Variants in TTC34 observed in about 807,000 individuals in gnomAD.
TTC34 encodes the protein tetratricopeptide repeat protein 34.
In TTC34, 44 loss-of-function variants were observed where a neutral mutation model predicts 40.7. The ratio of observed to expected loss-of-function variants is 1.08; its 90% CI spans 0.85 to 1.39. TTC34 has a LOEUF of 1.39. Ranked by LOEUF, TTC34 falls within the 40% of genes most tolerant of loss-of-function variation. TTC34 has a pLI of 0.00. For missense variants in TTC34, 884 were observed against 838.0 expected (o/e 1.05, Z -0.68); for synonymous variants, 422 against 398.6 (o/e 1.06, Z -0.70).
At chr1:2,673,358 A>G (rs1175225241) in intron 6 of TTC34, among the ~76,000 whole-genome samples, 1 of 54,812 alleles carries the variant, frequency 1.8e-5, no homozygotes, top group Non-Finnish European at 4.0e-5. Context: ...ACCCACGGCC[A>G]CAGGCGAGCA....
intron 6 of TTC34, among the ~76,000 whole-genome samples, chr1:2,684,987 A>T (rs1271283417): frequency 7.0e-6 from 1 of 143,782 alleles, no homozygotes; most frequent in Non-Finnish European, 1.5e-5. Flanking sequence ...AGCTTAGAAC[A>T]GCACCCATAC....
At chr1:2,646,927 A>T (rs1361232432) in intron 6 of TTC34, among the ~76,000 whole-genome samples, 4 of 152,214 alleles carry the variant, frequency 2.6e-5, no homozygotes, top group Admixed American at 6.5e-5. Context: ...ACATTTTAAC[A>T]AGATGGATAA....
At chr1:2,751,402 C>A (rs1641314408) in intron 6 of TTC34, among the ~76,000 whole-genome samples, 42 of 145,044 alleles carry the variant, frequency 2.9e-4, no homozygotes, top group South Asian at 4.5e-4. Flanking sequence ...GAGCAGCACC[C>A]ACACACACAG....
At chr1:2,642,071 G>A (rs2100985324) in intron 8 of TTC34, among the ~76,000 whole-genome samples, 176 bp from the exon 9 acceptor site, 1 of 152,288 alleles carries the variant, frequency 6.6e-6, no homozygotes, top group Admixed American at 6.5e-5. Context: ...CTGACCATGG[G>A]CAAGGGCAGG....
chr1:2,691,834 G>T (rs1389897949), intron 6 of TTC34, among the ~76,000 whole-genome samples: 1 of 72,408 alleles, frequency 1.4e-5, no homozygotes, highest in Non-Finnish European at 3.1e-5. Flanking sequence ...CCCCAGGTGT[G>T]CATGTGATGG....
chr1:2,654,460 G>A, intron 6 of TTC34, among the ~76,000 whole-genome samples: 1 of 152,068 alleles, frequency 6.6e-6, no homozygotes, highest in Non-Finnish European at 1.5e-5. Context: ...ACGCCCAGAT[G>A]AGAATCAGAC....
chr1:2,644,526 G>T (rs1183049558), intron 7 of TTC34, 48 bp from the exon 8 acceptor site: 8 of 1,498,996 alleles, frequency 5.3e-6, no homozygotes, highest in Non-Finnish European at 7.1e-6. Context: ...TTGGGCAGAG[G>T]TGCGAGAGAG....
At chr1:2,688,046 C>A (rs532745380) in intron 6 of TTC34, among the ~76,000 whole-genome samples, 43 of 126,308 alleles carry the variant, frequency 3.4e-4, no homozygotes, top group African/African-American at 1.0e-3. Context: ...AGCACCCACA[C>A]CCCCAGGTAA....
intron 6 of TTC34, among the ~76,000 whole-genome samples, chr1:2,672,487 TC>T (rs1197681421): frequency 1.4e-4 from 10 of 73,716 alleles, no homozygotes; most frequent in African/African-American, 4.9e-4. Context: ...CACACGAGCA[TC>T]TGACAGCCCG....
At chr1:2,789,681 G>A in exon 3 of TTC34, 1 of 1,264,182 alleles carries the variant, frequency 7.9e-7, no homozygotes, top group Non-Finnish European at 1.0e-6. Context: ...GCCTCCTCGG[G>A]CCGCAGCCTG....
chr1:2,789,578 G>T, exon 3 of TTC34: 4 of 1,475,862 alleles, frequency 2.7e-6, no homozygotes, highest in Non-Finnish European at 3.6e-6. Context: ...GGCGCGTGGA[G>T]ATCGCTGCAG....
intron 6 of TTC34, among the ~76,000 whole-genome samples, chr1:2,653,181 C>T (rs1293007933): frequency 7.1e-6 from 1 of 141,844 alleles, no homozygotes; most frequent in African/African-American, 2.5e-5. Context: ...AGGTGAGCAT[C>T]TGACAGCCTG....
intron 6 of TTC34, among the ~76,000 whole-genome samples, chr1:2,751,531 C>A (rs1423591808): frequency 9.0e-6 from 1 of 111,500 alleles, no homozygotes; most frequent in African/African-American, 4.1e-5. Context: ...CCTGCACCCC[C>A]AGGTGAGCAT....
At chr1:2,789,563 G>C (rs898586573) in exon 3 of TTC34, 4 of 1,487,444 alleles carry the variant, frequency 2.7e-6, no homozygotes, top group Admixed American at 2.2e-5. Flanking sequence ...CGCTCTGGAC[G>C]GCCCGGCGCG....
intron 6 of TTC34, among the ~76,000 whole-genome samples, chr1:2,648,054 C>T (rs1398033928): frequency 1.3e-5 from 2 of 151,862 alleles, no homozygotes; most frequent in Non-Finnish European, 2.9e-5. Flanking sequence ...CAAGCTCACT[C>T]ATTCTAGCAA....
chr1:2,656,179 A>T (rs1483597097), intron 6 of TTC34, among the ~76,000 whole-genome samples: 3 of 142,294 alleles, frequency 2.1e-5, no homozygotes, highest in Non-Finnish European at 4.6e-5. Context: ...CCACATGCCC[A>T]GGTGAGCCTC....
chr1:2,753,056 C>A (rs1436674568), intron 6 of TTC34, among the ~76,000 whole-genome samples: 4 of 149,140 alleles, frequency 2.7e-5, no homozygotes, highest in African/African-American at 9.8e-5. Flanking sequence ...CACCCACACC[C>A]CCAGGTGAGC....
At chr1:2,683,266 C>G (rs1406630043) in intron 6 of TTC34, among the ~76,000 whole-genome samples, 32 of 151,772 alleles carry the variant, frequency 2.1e-4, no homozygotes, top group African/African-American at 5.1e-4. Context: ...CAGCAGCACC[C>G]ACACCCACAG....
At chr1:2,642,410 G>A (rs1211214213) in intron 8 of TTC34, among the ~76,000 whole-genome samples, 1 of 152,150 alleles carries the variant, frequency 6.6e-6, no homozygotes, top group Non-Finnish European at 1.5e-5. Context: ...GGCTGCTCCA[G>A]GCCTCTGAGC....
Sources: allele counts gnomAD v4.1 joint callset (sites outside exome capture counted in the v4.1 genomes callset), GRCh38; gene constraint gnomAD v4.1.1; transcripts MANE v1.5; gene names NCBI Gene and HGNC (gene_info 2026-07-23, HGNC 2026-07-21).